Variants in NAV2 observed in about 807,000 individuals in gnomAD.
NAV2 encodes the protein neuron navigator 2, also known as helicase, APC down-regulated 1.
A neutral mutation model predicts 223.2 loss-of-function variants in NAV2; 54 were observed. The observed-to-expected ratio is 0.24, with a 90% CI of 0.19 to 0.30. The LOEUF is 0.30. Among genes scored for constraint, NAV2 ranks in the 10% least tolerant of loss-of-function variants. The pLI is 1.00. For missense variants in NAV2, 2,806 were observed against 3,147.5 expected, an observed-to-expected ratio of 0.89 and a Z score of 2.60; for synonymous variants, 1,279 against 1,239.3, an observed-to-expected ratio of 1.03 and a Z score of -0.67.
At chr11:19,934,536 A>G (rs774875199) in intron 7 of NAV2, among the ~76,000 whole-genome samples, 2 of 152,150 alleles carry the variant, frequency 1.3e-5, no homozygotes, top group African/African-American at 2.4e-5. Flanking sequence ...GATGCATAGG[A>G]AAGTGGGGAC....
rs190116048 is a variant in NAV2 at position 20,071,191 on chromosome 11, T to A, written c.4983+2793T>A. Among the ~76,000 whole-genome samples the A allele has an allele frequency of 2.7e-3, 388 of 144,172 alleles. 1 individual carries two copies. Among genetic ancestry groups the A allele is most frequent in the Non-Finnish European group, 4.3e-3 (285 of 66,896 alleles). 94.6% of individuals were successfully genotyped at this position (144,172 alleles called of 152,430 possible). On this transcript the variant is annotated intron_variant, in intron 22 of 37. Coordinates refer to ENST00000349880, the MANE Select transcript of NAV2 (RefSeq NM_145117.5). ...TGTGTTCTCATTGTTCAACTCCCACTTATGAATGAGAACATCCAGTGTTTG... is the reference window on the plus strand; with the variant it reads ...TGTGTTCTCATTGTTCAACTCCCACATATGAATGAGAACATCCAGTGTTTG...
rs1289380848 is a variant in NAV2, at chr11:19,793,228, AAG to A, written c.268-39254_268-39253del. On this transcript the variant is annotated intron_variant, in intron 1 of 37. Coordinates refer to ENST00000349880, the MANE Select transcript of NAV2 (RefSeq NM_145117.5). Reference sequence around the variant, plus strand: ...TCTCAAAAAAAAAAAAAAAAAAAAAAAGAAAGAAAGAAAGAAAGAAAGGATGG... The same window carrying A: ...TCTCAAAAAAAAAAAAAAAAAAAAAAAAAGAAAGAAAGAAAGAAAGGATGG... 3.0e-3 allele frequency among the ~76,000 whole-genome samples: 270 copies of A among 90,742 alleles called. 1 individual carries two copies. Among genetic ancestry groups the A allele is most frequent in the African/African-American group, 8.9e-3 (256 of 28,758 alleles). 59.5% of individuals were successfully genotyped at this position (90,742 alleles called of 152,430 possible).
intron 1 of NAV2, among the ~76,000 whole-genome samples, chr11:19,584,954 G>T (rs945493921): frequency 6.8e-5 from 10 of 147,862 alleles, no homozygotes; most frequent in Non-Finnish European, 1.5e-5. Context: ...CTGTCTCATC[G>T]ATCTGTCTAA....
chr11:19,827,458 T>A (rs2059698765), intron 1 of NAV2, among the ~76,000 whole-genome samples: 1 of 152,192 alleles, frequency 6.6e-6, no homozygotes, highest in Non-Finnish European at 1.5e-5. Context: ...CGGGTTGCAG[T>A]TTGCCAGCCG....
intron 1 of NAV2, among the ~76,000 whole-genome samples, chr11:19,392,227 A>G (rs772804425): frequency 6.6e-6 from 1 of 152,210 alleles, no homozygotes; most frequent in Non-Finnish European, 1.5e-5. Context: ...GAATTAATCA[A>G]TCCAAGCCTT....
At position 20,055,883 on chromosome 11, in the gene NAV2, A is replaced by G; in HGVS notation, c.4757A>G (p.Asn1586Ser). ...CCATACACTGACAGCCGCTTCCGGAATAGCTCCATGTCCCTGGATGAGAAG... is the reference window on the plus strand; with the variant it reads ...CCATACACTGACAGCCGCTTCCGGAGTAGCTCCATGTCCCTGGATGAGAAG... ...YDPYTDSRFR[N>S]SSMSLDEKSR... The change falls in exon 19 of 38, where the codon AAT (asparagine) becomes AGT (serine). Residue 1586 changes from asparagine (N) to serine (S), a missense_variant. This residue lies in a region of NAV2 where 742 missense variants were observed against 777.9 expected (regional missense o/e 0.95). Coordinates refer to ENST00000349880, the MANE Select transcript of NAV2 (RefSeq NM_145117.5). 1 of 1,614,240 alleles carries G rather than the reference A, an allele frequency of 6.2e-7. No homozygotes were observed. The highest frequency in any genetic ancestry group is 8.5e-7 in the Non-Finnish European group (1 of 1,180,034).
At chr11:19,779,258 C>A (rs1018100590) in intron 1 of NAV2, among the ~76,000 whole-genome samples, 27 of 152,178 alleles carry the variant, frequency 1.8e-4, no homozygotes, top group Admixed American at 1.6e-3. Context: ...GGAGCTCAAG[C>A]AACTGGGAAG....
intron 1 of NAV2, among the ~76,000 whole-genome samples, chr11:19,360,691 T>C (rs1853885090): frequency 6.6e-6 from 1 of 152,104 alleles, no homozygotes; most frequent in South Asian, 2.1e-4. Flanking sequence ...CAGGCAGTGA[T>C]TGACATCTCT....
chr11:20,094,825 T>C (rs1332200287), intron 29 of NAV2, among the ~76,000 whole-genome samples: 1 of 152,190 alleles, frequency 6.6e-6, no homozygotes, highest in Non-Finnish European at 1.5e-5. Flanking sequence ...CTGATTTTGC[T>C]TAGCCGCCAT....
At chr11:19,657,891 G>T (rs2048171896) in intron 1 of NAV2, among the ~76,000 whole-genome samples, 1 of 152,024 alleles carries the variant, frequency 6.6e-6, no homozygotes, top group African/African-American at 2.4e-5. Context: ...AGAGGTATGG[G>T]GAGATAAAGA....
intron 6 of NAV2, among the ~76,000 whole-genome samples, chr11:19,904,040 A>G (rs781651547): frequency 1.3e-5 from 2 of 152,236 alleles, no homozygotes; most frequent in Admixed American, 1.3e-4. Context: ...GGTGGATTCA[A>G]GGATCAGGTT....
intron 1 of NAV2, among the ~76,000 whole-genome samples, chr11:19,652,028 G>A (rs886899964): frequency 1.3e-5 from 2 of 152,196 alleles, no homozygotes; most frequent in Non-Finnish European, 2.9e-5. Context: ...CATGCTGTGG[G>A]TAATGGTGGA....
intron 6 of NAV2, among the ~76,000 whole-genome samples, chr11:19,917,117 G>A (rs1591230982): frequency 6.6e-6 from 1 of 152,172 alleles, no homozygotes; most frequent in Non-Finnish European, 1.5e-5. Context: ...CAGCCTAGAT[G>A]CTTCAAGAAC....
chr11:19,521,393 G>C (rs1446683546), intron 1 of NAV2, among the ~76,000 whole-genome samples: 1 of 152,188 alleles, frequency 6.6e-6, no homozygotes, highest in Non-Finnish European at 1.5e-5. Flanking sequence ...ACAGGCTTTA[G>C]AATCCACGGC....
rs549893143 is a variant in NAV2, at chr11:19,690,896, C to G, written c.76-141588C>G. 2.0e-5 allele frequency among the ~76,000 whole-genome samples: 3 copies of G among 152,298 alleles called. No homozygotes were observed. In the South Asian group the frequency reaches 6.2e-4, roughly 32 times the overall value. On this transcript the variant is annotated intron_variant, in intron 1 of 37. Transcript: ENST00000360655. ...GCAGAGCCAGAAGTAGAACCCAGAT[C>G]CCCGATTTTCAGCACACACCAAAGC...
rs78002399 is a variant in NAV2, at chr11:19,925,081, A to G, written c.932-8095A>G. ...TTCCATATTTTTATTGGCCATTTGC[A>G]TATCTTCTTTTGAGAATATTCAAGT... On this transcript the variant is annotated intron_variant, in intron 6 of 37. Coordinates refer to ENST00000349880, the MANE Select transcript of NAV2 (RefSeq NM_145117.5). Among the ~76,000 whole-genome samples the G allele has an allele frequency of 8.0e-3, 1,216 of 152,312 alleles. 20 individuals carry two copies. Among genetic ancestry groups the G allele is most frequent in the African/African-American group, 0.027 (1,114 of 41,580 alleles).
chr11:19,903,131 G>A (rs946597086), intron 6 of NAV2, among the ~76,000 whole-genome samples: 1 of 152,200 alleles, frequency 6.6e-6, no homozygotes, highest in African/African-American at 2.4e-5. Flanking sequence ...TTCCATCAAC[G>A]TGTGCATTTC....
intron 1 of NAV2, among the ~76,000 whole-genome samples, chr11:19,661,522 GA>G (rs905901992): frequency 7.1e-5 from 5 of 70,264 alleles, no homozygotes; most frequent in Admixed American, 4.4e-4. Flanking sequence ...AGGTGTAAAG[GA>G]AAAAAAAATA....
chr11:19,623,237 T>C (rs1590709581), intron 1 of NAV2, among the ~76,000 whole-genome samples: 2 of 152,190 alleles, frequency 1.3e-5, no homozygotes, highest in African/African-American at 4.8e-5. Context: ...CTGACAATTA[T>C]GTGTCTTGGA....
Sources: allele counts gnomAD v4.1 joint callset (sites outside exome capture counted in the v4.1 genomes callset), GRCh38; gene constraint gnomAD v4.1.1; regional missense constraint gnomAD v4.1.1; transcripts MANE v1.5; gene names NCBI Gene and HGNC (gene_info 2026-07-23, HGNC 2026-07-21).